The following CCDC63 variants were observed in gnomAD, a reference collection of about 807,000 sequenced individuals.
CCDC63 encodes coiled-coil domain-containing protein 63.
A neutral mutation model predicts 63.6 loss-of-function variants in CCDC63; 54 were observed. The ratio of observed to expected loss-of-function variants is 0.85; its 90% confidence interval spans 0.68 to 1.07. The LOEUF (loss-of-function observed/expected upper bound fraction) is 1.07. Ranked by LOEUF, CCDC63 falls within the 50% of genes least tolerant of loss-of-function variation. The probability of loss-of-function intolerance (pLI) is 0.00; values close to 1 mark genes in which losing one functional copy is unlikely to be tolerated. For missense variants in CCDC63, 637 were observed against 689.6 expected, an observed-to-expected ratio of 0.92 and a Z score of 0.86; for synonymous variants, 253 against 266.1, an observed-to-expected ratio of 0.95 and a Z score of 0.48.
chr12:110,876,551 G>A (rs971296497), intron 5 of CCDC63, among the ~76,000 whole-genome samples: 3 of 152,136 alleles, frequency 2.0e-5, no homozygotes, highest in Admixed American at 6.5e-5. Flanking sequence ...TTCATGCCCC[G>A]GTTGCTTCAC....
chr12:110,846,157 A>G (rs2070635090), upstream of CCDC63, among the ~76,000 whole-genome samples: 2 of 152,096 alleles, frequency 1.3e-5, no homozygotes, highest in Admixed American at 1.3e-4. Context: ...TTACGGATGA[A>G]GTGGAGACCT....
intron 9 of CCDC63, among the ~76,000 whole-genome samples, chr12:110,897,826 T>C (rs1375812010): frequency 6.7e-6 from 1 of 150,362 alleles, no homozygotes. Flanking sequence ...TTCCGTCTCC[T>C]GGATTCAAGC....
At chr12:110,901,409 G>A (rs1156275654) in intron 10 of CCDC63, among the ~76,000 whole-genome samples, 1 of 147,992 alleles carries the variant, frequency 6.8e-6, no homozygotes, top group Non-Finnish European at 1.5e-5. Flanking sequence ...ATTTTTTTTT[G>A]TAGATATGGG....
intron 4 of CCDC63, among the ~76,000 whole-genome samples, chr12:110,861,205 C>T (rs1420526478): frequency 2.0e-5 from 3 of 152,192 alleles, no homozygotes; most frequent in African/African-American, 7.2e-5. Flanking sequence ...CCTCCTCCAA[C>T]ACTGAGGATT....
chr12:110,879,866 C>T (rs1407134863), intron 5 of CCDC63, 40 bp from the exon 6 acceptor site: 3 of 1,600,702 alleles, frequency 1.9e-6, no homozygotes, highest in East Asian at 2.2e-5. Flanking sequence ...TCTTACAAAA[C>T]AGAAATGAGA....
intron 4 of CCDC63, among the ~76,000 whole-genome samples, chr12:110,867,941 AGCT>A (rs2070996821): frequency 1.9e-5 from 2 of 106,676 alleles, no homozygotes; most frequent in African/African-American, 3.8e-5. Context: ...CAGACGGGGC[AGCT>A]GCCGGGCGGA....
intron 4 of CCDC63, among the ~76,000 whole-genome samples, chr12:110,869,036 G>A (rs971809663): frequency 6.6e-6 from 1 of 152,060 alleles, no homozygotes; most frequent in Admixed American, 6.5e-5. Flanking sequence ...AGCTGAGACT[G>A]TGCTGTGTAG....
chr12:110,849,498 CT>C (rs56059098), intron 1 of CCDC63, among the ~76,000 whole-genome samples: 142 of 126,284 alleles, frequency 1.1e-3, no homozygotes, highest in African/African-American at 2.0e-3. Flanking sequence ...CTCTTATTTC[CT>C]TTTTTTTTTT....
chr12:110,880,758 ATG>A (rs2136697210), intron 6 of CCDC63, among the ~76,000 whole-genome samples: 4 of 1,134 alleles, frequency 3.5e-3, no homozygotes, highest in Admixed American at 6.4e-3. Flanking sequence ...GATGGTGGTG[ATG>A]ATAGTGGTGA....
At chr12:110,850,655 C>T (rs906494231) in intron 1 of CCDC63, among the ~76,000 whole-genome samples, 3 of 152,278 alleles carry the variant, frequency 2.0e-5, no homozygotes, top group South Asian at 2.1e-4. Flanking sequence ...GCAGGAGAAT[C>T]GCTTGAACCC....
chr12:110,874,239 G>C (rs536111286), intron 5 of CCDC63, among the ~76,000 whole-genome samples: 2 of 152,024 alleles, frequency 1.3e-5, no homozygotes, highest in East Asian at 3.9e-4. Flanking sequence ...TTTTCAAGAA[G>C]CAGCTCAAGC....
In CCDC63 at chr12:110,873,846, T is replaced by C; in HGVS notation, c.374T>C (p.Leu125Pro). 6.2e-7 allele frequency: 1 copy of C among 1,613,070 alleles called. No individual in the cohort carries two copies. The highest frequency in any genetic ancestry group is 8.5e-7 in the Non-Finnish European group (1 of 1,179,812). Residue 125 changes from leucine to proline, a missense_variant, in exon 5 of 12, where the codon CTT becomes CCT. Transcript: ENST00000308208. ...VLLAELDEKILQMEKKIANQK... is the reference protein window; with the variant it reads ...VLLAELDEKIPQMEKKIANQK... ...CTCTCTCTCTCTCTTTTTCAGATTC[T>C]TCAGATGGAAAAAAAAATCGCAAAC...
chr12:110,849,016 A>C (rs990814163), intron 1 of CCDC63, among the ~76,000 whole-genome samples: 1 of 152,202 alleles, frequency 6.6e-6, no homozygotes, highest in African/African-American at 2.4e-5. Context: ...GAAATGATCA[A>C]GATACAGAAC....
chr12:110,898,796 G>GT (rs1224870399), intron 9 of CCDC63, 137 bp from the exon 10 acceptor site: 2 of 508,306 alleles, frequency 3.9e-6, no homozygotes, highest in East Asian at 3.2e-5. Flanking sequence ...AAATTTGATG[G>GT]GAACCCATTT....
chr12:110,857,271 G>A (rs552904378), intron 3 of CCDC63, among the ~76,000 whole-genome samples: 7 of 151,184 alleles, frequency 4.6e-5, no homozygotes, highest in East Asian at 2.0e-4. Context: ...GATTACAGGC[G>A]CCCACCACCC....
chr12:110,904,964 C>T (rs2071540489), intron 11 of CCDC63, among the ~76,000 whole-genome samples, 173 bp downstream of exon 11: 1 of 152,100 alleles, frequency 6.6e-6, no homozygotes, highest in South Asian at 2.1e-4. Context: ...GCTGTGGTCA[C>T]TTGGTGTCAC....
chr12:110,897,493 G>A (rs2071428517), intron 9 of CCDC63, among the ~76,000 whole-genome samples: 1 of 152,028 alleles, frequency 6.6e-6, no homozygotes, highest in Admixed American at 6.6e-5. Context: ...ATCTGCTCAT[G>A]AGGCTGAGGC....
chr12:110,904,936 C>T (rs1364691197), intron 11 of CCDC63, 145 bp downstream of exon 11: 2 of 560,346 alleles, frequency 3.6e-6, no homozygotes, highest in Non-Finnish European at 6.0e-6. Flanking sequence ...CCTGCCAGTT[C>T]CCTTGGGTGC....
At chr12:110,868,691 C>A (rs890151432) in intron 4 of CCDC63, among the ~76,000 whole-genome samples, 4 of 137,606 alleles carry the variant, frequency 2.9e-5, no homozygotes, top group Non-Finnish European at 4.7e-5. Context: ...GCTTCGGCTC[C>A]GCATGAGAGG....
Sources: gnomAD v4.1 joint callset for allele counts (sites outside exome capture counted in the v4.1 genomes callset) on GRCh38, gnomAD v4.1.1 for gene constraint, MANE v1.5 for transcripts, NCBI Gene and HGNC (gene_info 2026-07-23, HGNC 2026-07-21) for gene names.